PIK3C3: variants seen among roughly 807,000 people sequenced by gnomAD.
The protein encoded by PIK3C3 is PI3-kinase type 3.
Under a neutral mutation model 126.1 loss-of-function variants are expected in PIK3C3, and 95 were observed. The ratio of observed to expected loss-of-function variants is 0.75; its 90% CI spans 0.64 to 0.89. The LOEUF (loss-of-function observed/expected upper bound fraction) is 0.89, where lower values mean the gene tolerates loss of function less well. PIK3C3 is among the 40% of genes least tolerant of loss of function. PIK3C3 has a pLI of 0.00. For missense variants in PIK3C3, 829 were observed against 1,063.2 expected (o/e 0.78, Z 3.06); for synonymous variants, 374 against 360.0 (o/e 1.04, Z -0.44).
intron 2 of PIK3C3, among the ~76,000 whole-genome samples, chr18:41,961,755 A>T (rs1980096805): frequency 6.6e-6 from 1 of 152,210 alleles, no homozygotes; most frequent in Non-Finnish European, 1.5e-5. Context: ...GAAATTATCA[A>T]ATGAATACAG....
intron 4 of PIK3C3, among the ~76,000 whole-genome samples, chr18:41,985,884 A>G (rs917832420): frequency 6.6e-6 from 1 of 152,122 alleles, no homozygotes; most frequent in African/African-American, 2.4e-5. Context: ...GAACATTTCT[A>G]ATTTGTCTGG....
Position 42,029,452 on chromosome 18 carries a change from G to A in PIK3C3, c.1707+11G>A. 1 of 1,484,048 alleles carries A rather than the reference G, an allele frequency of 6.7e-7. No individual in the cohort carries two copies. Among genetic ancestry groups the A allele is most frequent in the Non-Finnish European group, 9.4e-7 (1 of 1,063,562 alleles). 91.9% of individuals were successfully genotyped at this position (1,484,048 alleles called of 1,614,324 possible). A position where few individuals can be genotyped will look rare whatever the true frequency, so the allele number is the denominator to read the frequency against. On this transcript the variant is annotated intron_variant, in intron 15 of 24. Transcript: ENST00000262039. ...AATCGTAAGAAAAAGGTAAGCCTAT[G>A]GTGTATGCTTTTGTTCCTAATAGCA...
chr18:41,970,480 G>C, intron 4 of PIK3C3, 24 bp downstream of exon 4: 1 of 1,609,404 alleles, frequency 6.2e-7, no homozygotes, highest in African/African-American at 1.3e-5. Context: ...TTTGGAACAG[G>C]TGCAAAGCTC....
chr18:41,967,943 T>A (rs1347239071), intron 3 of PIK3C3, among the ~76,000 whole-genome samples: 1 of 152,214 alleles, frequency 6.6e-6, no homozygotes, highest in Non-Finnish European at 1.5e-5. Context: ...CTCGCCTGTT[T>A]GGCTTAATTT....
At chr18:42,045,220 G>A (rs376583712) in intron 20 of PIK3C3, among the ~76,000 whole-genome samples, 302 of 152,248 alleles carry the variant, frequency 2.0e-3, no homozygotes, top group African/African-American at 7.1e-3. Context: ...GTTTGTAAAC[G>A]TGATTACATG....
At chr18:41,995,629 A>G (rs922014437) in intron 7 of PIK3C3, among the ~76,000 whole-genome samples, 4 of 152,172 alleles carry the variant, frequency 2.6e-5, no homozygotes, top group African/African-American at 9.6e-5. Context: ...AACCTTGAAT[A>G]TGTGGAGAGT....
chr18:42,013,649 C>T lies in PIK3C3; in HGVS notation c.1325+53C>T. 2.2e-6 allele frequency: 3 copies of T among 1,356,158 alleles called. No homozygotes were observed. In the South Asian group the frequency reaches 3.8e-5, roughly 17 times the overall value. The allele number at this position is 1,356,158 out of a possible 1,614,324, so 84.0% of individuals were successfully genotyped here. On this transcript the variant is annotated intron_variant, in intron 11 of 24. Transcript: ENST00000262039. ...TCTAGTTTGTTAATTTTTCCCTTTT[C>T]AAATTGTTTTCTCTTTTCCTTTCCT...
rs1257598904 is a variant in PIK3C3 at position 42,086,824 on chromosome 18, C to A, written c.*5687C>A. On this transcript the variant is annotated 3_prime_UTR_variant, in exon 25 of 25. Coordinates refer to ENST00000262039, the MANE Select transcript of PIK3C3 (RefSeq NM_002647.4). ...AAATAATCATTAAAAAATAGCCAAC[C>A]AGCAGCTCATGCTGCTGGTCTGCCT... is the stretch of plus-strand genomic sequence containing the variant. The A allele has an allele frequency of 6.6e-6, 1 of 152,164 alleles. No individual in the cohort carries two copies. Among genetic ancestry groups the A allele is most frequent in the Non-Finnish European group, 1.5e-5 (1 of 68,016 alleles). 9.4% of individuals were successfully genotyped at this position (152,164 alleles called of 1,614,324 possible). A position where few individuals can be genotyped will look rare whatever the true frequency, so the allele number is the denominator to read the frequency against.
intron 9 of PIK3C3, among the ~76,000 whole-genome samples, chr18:42,000,472 G>C (rs770797732): frequency 3.9e-5 from 6 of 152,132 alleles, no homozygotes; most frequent in African/African-American, 9.7e-5. Context: ...GAGGGCAAGG[G>C]ATGGAGAAGA....
intron 23 of PIK3C3, among the ~76,000 whole-genome samples, chr18:42,065,722 G>A (rs66960332): frequency 0.23 from 34,596 of 151,718 alleles, 4,464 homozygotes; most frequent in South Asian, 0.4. Flanking sequence ...TTTTTTTTTA[G>A]TTCATATTTA....
At position 41,966,273 on chromosome 18, in the gene PIK3C3, G is replaced by A. The variant is rs567187563; in HGVS notation, c.401+3641G>A. On this transcript the variant is annotated intron_variant, in intron 3 of 24. Transcript: ENST00000262039. Reference sequence around the variant, plus strand: ...CAACCTCCGCCTCCTGGGTTCAAGCGATTCTCCTGCCTCAGCCTCCTGAGT... The same window carrying A: ...CAACCTCCGCCTCCTGGGTTCAAGCAATTCTCCTGCCTCAGCCTCCTGAGT... Among the ~76,000 whole-genome samples, 366 of 146,640 alleles carry A rather than the reference G, an allele frequency of 2.5e-3. 1 individual carries two copies. The highest frequency in any genetic ancestry group is 9.0e-3 in the African/African-American group (354 of 39,258).
intron 24 of PIK3C3, among the ~76,000 whole-genome samples, chr18:42,071,183 C>A (rs1985757190): frequency 6.6e-6 from 1 of 152,148 alleles, no homozygotes; most frequent in Non-Finnish European, 1.5e-5. Context: ...GGATCACCAT[C>A]TTAGATTTGT....
chr18:42,011,174 C>CCT (rs1982806007), intron 10 of PIK3C3, among the ~76,000 whole-genome samples: 1 of 152,174 alleles, frequency 6.6e-6, no homozygotes, highest in Non-Finnish European at 1.5e-5. Context: ...CCTAGGACTT[C>CCT]TGAAATGACG....
At position 42,081,896 on chromosome 18, in the gene PIK3C3, A is replaced by C. The variant is rs766132262; in HGVS notation, c.*759A>C. 9 of 152,206 alleles carry C rather than the reference A, an allele frequency of 5.9e-5. No homozygotes were observed. The highest frequency in any genetic ancestry group is 1.3e-4 in the Non-Finnish European group (9 of 68,022). 9.4% of individuals were successfully genotyped at this position (152,206 alleles called of 1,614,324 possible). On this transcript the variant is annotated 3_prime_UTR_variant, in exon 25 of 25. Coordinates refer to ENST00000262039, the MANE Select transcript of PIK3C3 (RefSeq NM_002647.4). ...TAAGATATTTTTACATATTCATGTA[A>C]GACAATGTAAATTGTCTTTCTGCAA...
intron 21 of PIK3C3, among the ~76,000 whole-genome samples, chr18:42,054,809 C>T (rs1984988043): frequency 6.6e-6 from 1 of 151,944 alleles, no homozygotes. Context: ...CCTAGTGGTG[C>T]TGTGAGGTTT....
intron 4 of PIK3C3, among the ~76,000 whole-genome samples, chr18:41,977,450 C>T (rs1339011511): frequency 6.6e-6 from 1 of 151,344 alleles, no homozygotes; most frequent in African/African-American, 2.4e-5. Context: ...TGCAAAATTG[C>T]GGAAACGTTT....
chr18:42,061,472 C>T (rs1985311874), intron 22 of PIK3C3, among the ~76,000 whole-genome samples: 1 of 152,068 alleles, frequency 6.6e-6, no homozygotes, highest in Non-Finnish European at 1.5e-5. Flanking sequence ...GTCCCAGTTA[C>T]TTGGGGGGCT....
intron 24 of PIK3C3, among the ~76,000 whole-genome samples, chr18:42,076,678 C>G (rs1050732644): frequency 6.6e-6 from 1 of 152,166 alleles, no homozygotes; most frequent in Non-Finnish European, 1.5e-5. Context: ...ATTGTAATAG[C>G]AAGAGTCAGC....
intron 3 of PIK3C3, among the ~76,000 whole-genome samples, chr18:41,969,127 GT>G (rs146933092): frequency 6.1e-5 from 9 of 147,646 alleles, no homozygotes; most frequent in African/African-American, 1.2e-4. Context: ...TCTGTACCTT[GT>G]TTTTTTTTTA....
Sources: allele counts gnomAD v4.1 joint callset (sites outside exome capture counted in the v4.1 genomes callset), GRCh38; gene constraint gnomAD v4.1.1; transcripts MANE v1.5; gene names NCBI Gene and HGNC (gene_info 2026-07-23, HGNC 2026-07-21).